Variants in GPC5 observed in about 807,000 individuals in gnomAD.
GPC5 encodes glypican 5.
GPC5 carries 47 observed loss-of-function variants against 53.9 expected under a neutral mutation model. That is an observed-to-expected ratio of 0.87 (90% CI 0.69 to 1.11). The LOEUF is 1.11. Ranked by LOEUF, GPC5 falls within the 50% of genes most tolerant of loss-of-function variation. The probability of loss-of-function intolerance (pLI) is 0.00; values close to 1 mark genes in which losing one functional copy is unlikely to be tolerated. For missense variants in GPC5, 748 were observed against 713.1 expected (o/e 1.05, Z -0.56); for synonymous variants, 286 against 263.3 (o/e 1.09, Z -0.84).
At chr13:92,295,246 T>C (rs935860696) in intron 7 of GPC5, among the ~76,000 whole-genome samples, 2 of 152,232 alleles carry the variant, frequency 1.3e-5, no homozygotes, top group Admixed American at 6.5e-5. Flanking sequence ...GAAAAGTTTT[T>C]AAATTTCTAT....
At chr13:91,660,418 C>T (rs1319408255) in intron 2 of GPC5, among the ~76,000 whole-genome samples, 1 of 152,150 alleles carries the variant, frequency 6.6e-6, no homozygotes, top group South Asian at 2.1e-4. Context: ...TGCCAATAAT[C>T]ACATGATTGA....
At chr13:92,676,989 CTATTAACT>C in intron 7 of GPC5, among the ~76,000 whole-genome samples, 1 of 152,200 alleles carries the variant, frequency 6.6e-6, no homozygotes, top group South Asian at 2.1e-4. Context: ...GATTATCACT[CTATTAACT>C]GGAGTTTCTA....
At chr13:91,935,431 C>A (rs988143019) in intron 6 of GPC5, among the ~76,000 whole-genome samples, 7 of 151,986 alleles carry the variant, frequency 4.6e-5, no homozygotes, top group African/African-American at 1.7e-4. Flanking sequence ...TTCCTTCCAC[C>A]ATGTGAGGAC....
At chr13:92,118,560 T>G (rs1358536282) in intron 6 of GPC5, among the ~76,000 whole-genome samples, 1 of 152,156 alleles carries the variant, frequency 6.6e-6, no homozygotes, top group Non-Finnish European at 1.5e-5. Context: ...AAAAGGATTA[T>G]TTCTCTATAT....
chr13:92,292,327 C>A (rs796725804), intron 7 of GPC5, among the ~76,000 whole-genome samples: 13 of 152,296 alleles, frequency 8.5e-5, no homozygotes, highest in African/African-American at 2.9e-4. Flanking sequence ...TCCCTGTTCA[C>A]CTCATCCATG....
chr13:91,552,522 C>A (rs1036646167), intron 2 of GPC5, among the ~76,000 whole-genome samples: 2 of 151,978 alleles, frequency 1.3e-5, no homozygotes, highest in African/African-American at 4.8e-5. Context: ...TTATTAACAG[C>A]AAACCAGTCA....
chr13:91,613,020 A>T (rs1397733064), intron 2 of GPC5, among the ~76,000 whole-genome samples: 1 of 152,170 alleles, frequency 6.6e-6, no homozygotes, highest in Non-Finnish European at 1.5e-5. Flanking sequence ...TAAAAGGGGA[A>T]CTTTGGGCAA....
intron 7 of GPC5, among the ~76,000 whole-genome samples, chr13:92,301,480 T>A (rs759650797): frequency 1.3e-5 from 2 of 152,200 alleles, no homozygotes; most frequent in Non-Finnish European, 2.9e-5. Context: ...ATACCGACTC[T>A]TCATTTATTA....
At chr13:92,612,772 G>A (rs1884481332) in intron 7 of GPC5, among the ~76,000 whole-genome samples, 1 of 152,000 alleles carries the variant, frequency 6.6e-6, no homozygotes, top group Admixed American at 6.6e-5. Flanking sequence ...CATTATGACA[G>A]GAACAGGGTT....
Position 92,450,855 on chromosome 13 carries a change from ATTG to A in GPC5, c.1561+305878_1561+305880del, listed in dbSNP as rs34078816. ...GACTTCTTAAGTCTTAGTGGGTTTCATTGTTGTTGTTGTTTTGTCATCTTTAAG... is the reference window on the plus strand; with the variant it reads ...GACTTCTTAAGTCTTAGTGGGTTTCATTGTTGTTGTTTTGTCATCTTTAAG... On this transcript the variant is annotated intron_variant, in intron 7 of 7. Coordinates refer to ENST00000377067, the MANE Select transcript of GPC5 (RefSeq NM_004466.6). 5.2e-3 allele frequency among the ~76,000 whole-genome samples: 797 copies of A among 152,250 alleles called. 12 individuals carry two copies. Among genetic ancestry groups the A allele is most frequent in the Middle Eastern group, 0.027 (8 of 294 alleles).
At chr13:92,175,959 A>G (rs1209945325) in intron 7 of GPC5, among the ~76,000 whole-genome samples, 1 of 152,214 alleles carries the variant, frequency 6.6e-6, no homozygotes, top group Non-Finnish European at 1.5e-5. Context: ...TTCAGATTCA[A>G]TGGTGACTCT....
chr13:91,795,722 C>T (rs2038036236), intron 5 of GPC5, among the ~76,000 whole-genome samples: 1 of 152,074 alleles, frequency 6.6e-6, no homozygotes, highest in Admixed American at 6.6e-5. Flanking sequence ...CTGCCCTTCC[C>T]TCCCCTGCCC....
chr13:91,493,946 T>C (rs1022744656), intron 2 of GPC5, among the ~76,000 whole-genome samples: 1 of 152,122 alleles, frequency 6.6e-6, no homozygotes, highest in Non-Finnish European at 1.5e-5. Flanking sequence ...CAGTCTCTGC[T>C]CACTGCAACC....
intron 7 of GPC5, among the ~76,000 whole-genome samples, chr13:92,705,012 G>C (rs1887903050): frequency 6.6e-6 from 1 of 151,428 alleles, no homozygotes; most frequent in South Asian, 2.1e-4. Context: ...TCTTTGTTAA[G>C]AACAGTGCTC....
At chr13:92,349,594 T>A (rs2043458219) in intron 7 of GPC5, among the ~76,000 whole-genome samples, 1 of 151,754 alleles carries the variant, frequency 6.6e-6, no homozygotes, top group Admixed American at 6.6e-5. Flanking sequence ...CATAATAGAA[T>A]CATAAGCAAC....
intron 7 of GPC5, among the ~76,000 whole-genome samples, chr13:92,559,704 G>A (rs1882632427): frequency 6.6e-6 from 1 of 151,510 alleles, no homozygotes. Context: ...CCTTGCCAGG[G>A]GAAACTCAAA....
chr13:92,373,143 C>T (rs921690561), intron 7 of GPC5, among the ~76,000 whole-genome samples: 3 of 152,128 alleles, frequency 2.0e-5, no homozygotes, highest in African/African-American at 7.2e-5. Context: ...CTTAATATAG[C>T]TTTCTCCAGG....
At chr13:92,147,126 C>G (rs1389414161) in intron 7 of GPC5, among the ~76,000 whole-genome samples, 1 of 144,562 alleles carries the variant, frequency 6.9e-6, no homozygotes. Context: ...ACATTTTTAT[C>G]ATGGTCAAAT....
intron 6 of GPC5, among the ~76,000 whole-genome samples, chr13:92,139,356 C>A (rs1383229257): frequency 6.6e-6 from 1 of 152,040 alleles, no homozygotes; most frequent in East Asian, 1.9e-4. Flanking sequence ...TCTTTTGATA[C>A]GGATGTTTAT....
Sources: allele counts gnomAD v4.1 joint callset (sites outside exome capture counted in the v4.1 genomes callset), GRCh38; gene constraint gnomAD v4.1.1; transcripts MANE v1.5; gene names NCBI Gene and HGNC (gene_info 2026-07-23, HGNC 2026-07-21).